The following TTC23 variants were observed in gnomAD, a reference collection of about 807,000 sequenced individuals.
The protein encoded by TTC23 is tetratricopeptide repeat domain 23, also known as tetratricopeptide repeat protein 23.
A neutral mutation model predicts 55.1 loss-of-function variants in TTC23; 58 were observed. That is an observed-to-expected ratio of 1.05 (90% CI 0.85 to 1.31). TTC23 has a LOEUF of 1.31. Ranked by LOEUF, TTC23 falls within the 50% of genes most tolerant of loss-of-function variation. The pLI is 0.00. For synonymous variants in TTC23, 203 were observed against 199.9 expected (o/e 1.02, Z -0.13); for missense variants, 516 against 534.4 (o/e 0.97, Z 0.34).
intron 9 of TTC23, among the ~76,000 whole-genome samples, chr15:99,184,790 T>C (rs1428288752): frequency 1.3e-5 from 2 of 152,110 alleles, no homozygotes; most frequent in Non-Finnish European, 2.9e-5. Context: ...GGACATGAGA[T>C]ATGGGAGAGG....
intron 8 of TTC23, among the ~76,000 whole-genome samples, chr15:99,206,605 T>G (rs1376529224): frequency 6.6e-6 from 1 of 152,198 alleles, no homozygotes; most frequent in Non-Finnish European, 1.5e-5. Context: ...TACATATAGT[T>G]GCTCATAATA....
chr15:99,144,692 A>G (rs894784134), intron 12 of TTC23: 1 of 152,220 alleles, frequency 6.6e-6, no homozygotes, highest in African/African-American at 2.4e-5. Context: ...AAAGCATACT[A>G]TTCATTTCTG....
At position 99,161,738 on chromosome 15, in the gene TTC23, AC is replaced by A; in HGVS notation, c.993+1del. The stretch of plus-strand genomic sequence containing the variant: ...AGACAATTGTGATCCAAACTCACTT[AC>A]CTCTTTTTGTCCAGTCATTTGTAGA... On this transcript the variant is annotated splice_donor_variant, in intron 11 of 13. Coordinates refer to ENST00000394132, the MANE Select transcript of TTC23 (RefSeq NM_001288615.3). LOFTEE classifies it high-confidence loss of function. 1 of 1,609,396 alleles carries A rather than the reference AC, an allele frequency of 6.2e-7. No individual in the cohort carries two copies. The highest frequency in any genetic ancestry group is 8.5e-7 in the Non-Finnish European group (1 of 1,178,588).
At chr15:99,174,797 C>T (rs1274428786) in intron 10 of TTC23, among the ~76,000 whole-genome samples, 1 of 152,174 alleles carries the variant, frequency 6.6e-6, no homozygotes, top group Non-Finnish European at 1.5e-5. Context: ...GGGCTCTTAA[C>T]AGCTAACATT....
chr15:99,219,941 A>C (rs1363310418), intron 6 of TTC23, among the ~76,000 whole-genome samples: 1 of 152,258 alleles, frequency 6.6e-6, no homozygotes, highest in African/African-American at 2.4e-5. Flanking sequence ...GAGAAAATCA[A>C]GGGTATGTGT....
intron 9 of TTC23, among the ~76,000 whole-genome samples, chr15:99,178,794 A>C (rs535323037): frequency 5.9e-5 from 9 of 152,326 alleles, no homozygotes; most frequent in African/African-American, 2.2e-4. Context: ...AGGTTAATGG[A>C]GGAAAAGAGG....
At chr15:99,147,399 G>C (rs2069064305) in intron 12 of TTC23, among the ~76,000 whole-genome samples, 1 of 151,740 alleles carries the variant, frequency 6.6e-6, no homozygotes, top group Non-Finnish European at 1.5e-5. Flanking sequence ...CTAATTTTTT[G>C]TATTTTTAGT....
At chr15:99,156,121 T>C in intron 12 of TTC23, 27 bp downstream of exon 12, 7 of 1,614,016 alleles carry the variant, frequency 4.3e-6, no homozygotes, top group Non-Finnish European at 5.9e-6. Flanking sequence ...GAGCCTAGTC[T>C]CGTGTTAGTA....
chr15:99,209,826 C>T (rs1208337207), intron 8 of TTC23, among the ~76,000 whole-genome samples: 1 of 152,126 alleles, frequency 6.6e-6, no homozygotes, highest in South Asian at 2.1e-4. Context: ...CCTCTGCCTC[C>T]CGGTCTCAAG....
upstream of TTC23, among the ~76,000 whole-genome samples, chr15:99,250,602 G>T (rs555571924): frequency 6.6e-6 from 1 of 152,094 alleles, no homozygotes; most frequent in Non-Finnish European, 1.5e-5. Context: ...AAATGTTTCC[G>T]AACTATGCTT....
intron 1 of TTC23, among the ~76,000 whole-genome samples, chr15:99,248,695 G>A (rs2080471841): frequency 6.6e-6 from 1 of 152,202 alleles, no homozygotes; most frequent in African/African-American, 2.4e-5. Flanking sequence ...CCCTGCTCTT[G>A]AGGGGCTGGA....
chr15:99,227,787 T>C (rs572812306), intron 5 of TTC23, among the ~76,000 whole-genome samples: 4 of 152,280 alleles, frequency 2.6e-5, no homozygotes, highest in African/African-American at 7.2e-5. Context: ...TCCAGAACAT[T>C]TGGTCCTCTT....
intron 9 of TTC23, among the ~76,000 whole-genome samples, chr15:99,183,042 G>A (rs555338804): frequency 9.8e-5 from 15 of 152,334 alleles, no homozygotes; most frequent in Middle Eastern, 3.4e-3. Flanking sequence ...GGTTGGAAAA[G>A]TTTGGAGAAC....
chr15:99,213,374 G>A (rs2077196538), intron 8 of TTC23, among the ~76,000 whole-genome samples: 4 of 152,218 alleles, frequency 2.6e-5, no homozygotes, highest in Admixed American at 2.6e-4. Flanking sequence ...GCCTAGATGT[G>A]TACAGGGCCC....
chr15:99,203,117 GC>G (rs1381198684), intron 8 of TTC23, among the ~76,000 whole-genome samples: 6 of 152,012 alleles, frequency 3.9e-5, no homozygotes, highest in Non-Finnish European at 4.4e-5. Flanking sequence ...CAAATAATAG[GC>G]AAAATCAGAG....
chr15:99,190,669 A>G (rs1035632619), intron 9 of TTC23, among the ~76,000 whole-genome samples: 1 of 152,230 alleles, frequency 6.6e-6, no homozygotes, highest in Non-Finnish European at 1.5e-5. Context: ...AAGGCACTAC[A>G]TAACTCACTT....
intron 9 of TTC23, among the ~76,000 whole-genome samples, chr15:99,196,566 TC>T (rs2075731525): frequency 6.6e-6 from 1 of 152,206 alleles, no homozygotes; most frequent in African/African-American, 2.4e-5. Flanking sequence ...GCTGGACTCT[TC>T]CTGGAGATGT....
intron 9 of TTC23, among the ~76,000 whole-genome samples, chr15:99,196,294 A>G (rs892660316): frequency 1.3e-5 from 2 of 152,232 alleles, no homozygotes; most frequent in East Asian, 3.8e-4. Context: ...AAGAACAAAC[A>G]AAGAAAAAAC....
At chr15:99,221,294 A>C (rs534324045) in intron 6 of TTC23, among the ~76,000 whole-genome samples, 1 of 152,310 alleles carries the variant, frequency 6.6e-6, no homozygotes, top group South Asian at 2.1e-4. Context: ...TTTTCCCTTG[A>C]ATTTTTAAGT....
Sources: allele counts gnomAD v4.1 joint callset (sites outside exome capture counted in the v4.1 genomes callset), GRCh38; gene constraint gnomAD v4.1.1; transcripts MANE v1.5; gene names NCBI Gene and HGNC (gene_info 2026-07-23, HGNC 2026-07-21).